Variants in ERBB4 observed in about 807,000 individuals in gnomAD.
ERBB4 encodes the protein erb-b2 receptor tyrosine kinase 4.
A neutral mutation model predicts 158.0 loss-of-function variants in ERBB4; 42 were observed. The observed-to-expected ratio is 0.27, with a 90% CI of 0.21 to 0.34. The LOEUF (loss-of-function observed/expected upper bound fraction) is 0.34, where lower values mean the gene tolerates loss of function less well. Ranked by LOEUF, ERBB4 falls within the 10% of genes least tolerant of loss-of-function variation. The pLI is 1.00. For missense variants in ERBB4, 1,333 were observed against 1,624.1 expected (o/e 0.82, Z 3.08); for synonymous variants, 583 against 558.7 (o/e 1.04, Z -0.61).
intron 2 of ERBB4, among the ~76,000 whole-genome samples, chr2:212,099,294 A>AT (rs1475425401): frequency 1.3e-5 from 2 of 151,988 alleles, no homozygotes; most frequent in African/African-American, 2.4e-5. Flanking sequence ...AAAAATTCTT[A>AT]TTCCTGAAAC....
intron 2 of ERBB4, among the ~76,000 whole-genome samples, chr2:211,976,249 C>G (rs1326280036): frequency 1.3e-5 from 2 of 152,070 alleles, no homozygotes; most frequent in African/African-American, 4.8e-5. Context: ...TTTCATCACC[C>G]ATTCTCTGGG....
chr2:212,493,824 G>A (rs556261250), intron 1 of ERBB4, among the ~76,000 whole-genome samples: 5 of 151,412 alleles, frequency 3.3e-5, no homozygotes, highest in African/African-American at 4.8e-5. Flanking sequence ...TTTGTTAATC[G>A]ATTACTCTCT....
intron 5 of ERBB4, among the ~76,000 whole-genome samples, chr2:211,743,594 C>A (rs942537966): frequency 7.2e-5 from 11 of 152,116 alleles, no homozygotes; most frequent in African/African-American, 2.7e-4. Flanking sequence ...CTCTCTCATA[C>A]CTAAAACCTG....
In ERBB4 at chr2:212,003,081, GAGAA is replaced by G. The variant is rs548662335; in HGVS notation, c.235-55469_235-55466del. On this transcript the variant is annotated intron_variant, in intron 2 of 27. Coordinates refer to ENST00000342788, the MANE Select transcript of ERBB4 (RefSeq NM_005235.3). ...AAGAGAAAAGAGAGAGAGAGAGAGAGAGAAAGAGAGACAGAGACAGAAAGAAAGA... is the reference window on the plus strand; with the variant it reads ...AAGAGAAAAGAGAGAGAGAGAGAGAGAGAGAGACAGAGACAGAAAGAAAGA... 2.8e-3 allele frequency among the ~76,000 whole-genome samples: 381 copies of G among 137,960 alleles called. 10 individuals carry two copies. Among genetic ancestry groups the G allele is most frequent in the African/African-American group, 9.1e-3 (350 of 38,300 alleles). The allele number at this position is 137,960 out of a possible 152,430, so 90.5% of individuals were successfully genotyped here.
intron 2 of ERBB4, among the ~76,000 whole-genome samples, chr2:212,028,099 A>G (rs899588880): frequency 2.6e-5 from 4 of 152,074 alleles, no homozygotes; most frequent in Non-Finnish European, 5.9e-5. Context: ...GTGAATGCCA[A>G]CACTTCCTTC....
chr2:211,431,110 A>G lies in ERBB4; in HGVS notation c.2488-10T>C, dbSNP rs573759866. The G allele has an allele frequency of 1.5e-4, 234 of 1,612,690 alleles. 1 individual carries two copies. In the South Asian group the frequency reaches 1.9e-3, roughly 13 times the overall value. ...CCAGGTACATCATTCCCTGAAAAAT[A>G]TCAAGTTCCTTAATGATATTCAGTT... On this transcript the variant is annotated splice_polypyrimidine_tract_variant and intron_variant, in intron 20 of 27. Coordinates refer to ENST00000342788, the MANE Select transcript of ERBB4 (RefSeq NM_005235.3).
At chr2:211,406,448 T>G (rs2063149263) in intron 25 of ERBB4, among the ~76,000 whole-genome samples, 1 of 152,198 alleles carries the variant, frequency 6.6e-6, no homozygotes, top group Non-Finnish European at 1.5e-5. Flanking sequence ...TAAGATGATT[T>G]AGCCCCTTAA....
intron 5 of ERBB4, among the ~76,000 whole-genome samples, chr2:211,747,814 TATATATA>T (rs1430884119): frequency 6.6e-6 from 1 of 151,812 alleles, no homozygotes; most frequent in Non-Finnish European, 1.5e-5. Context: ...ACCATCTATG[TATATATA>T]ATATATAATA....
intron 1 of ERBB4, among the ~76,000 whole-genome samples, chr2:212,349,037 A>G (rs1000432215): frequency 6.6e-6 from 1 of 152,132 alleles, no homozygotes; most frequent in Non-Finnish European, 1.5e-5. Context: ...TATGATTGTC[A>G]ATATTTTATT....
chr2:211,716,390 A>C (rs2073904252), intron 7 of ERBB4, among the ~76,000 whole-genome samples: 1 of 111,214 alleles, frequency 9.0e-6, no homozygotes, highest in Non-Finnish European at 1.9e-5. Flanking sequence ...AAAAAAAAAA[A>C]AAAAGGCCGG....
intron 2 of ERBB4, among the ~76,000 whole-genome samples, chr2:212,064,991 GTGTGT>G (rs2077896055): frequency 2.1e-4 from 3 of 14,008 alleles, no homozygotes; most frequent in Admixed American, 1.8e-3. Context: ...TCTTTATGGT[GTGTGT>G]GTGTGTGTGT....
chr2:212,222,347 T>G (rs2083316828), intron 1 of ERBB4, among the ~76,000 whole-genome samples: 1 of 151,496 alleles, frequency 6.6e-6, no homozygotes, highest in Non-Finnish European at 1.5e-5. Context: ...CATTCACATT[T>G]AAAAAATTAC....
At chr2:212,443,748 C>T (rs1196137406) in intron 1 of ERBB4, among the ~76,000 whole-genome samples, 1 of 152,134 alleles carries the variant, frequency 6.6e-6, no homozygotes, top group Non-Finnish European at 1.5e-5. Context: ...CTGTATGAAG[C>T]CTTTGGCAGG....
At chr2:211,414,236 C>T (rs376780483) in intron 25 of ERBB4, among the ~76,000 whole-genome samples, 3 of 152,124 alleles carry the variant, frequency 2.0e-5, no homozygotes, top group East Asian at 1.9e-4. Flanking sequence ...TGGTGGCTCA[C>T]GCCTATATCT....
At chr2:212,277,095 T>C (rs1262634403) in intron 1 of ERBB4, among the ~76,000 whole-genome samples, 1 of 151,718 alleles carries the variant, frequency 6.6e-6, no homozygotes, top group Non-Finnish European at 1.5e-5. Context: ...GGCAGAGTTA[T>C]TTATCATGTG....
chr2:211,986,805 T>C (rs1007570163), intron 2 of ERBB4, among the ~76,000 whole-genome samples: 2 of 152,122 alleles, frequency 1.3e-5, no homozygotes, highest in African/African-American at 4.8e-5. Context: ...TTGCTGAAAA[T>C]TTTTACTAAT....
intron 9 of ERBB4, among the ~76,000 whole-genome samples, chr2:211,711,809 A>C (rs2073710962): frequency 6.6e-6 from 1 of 152,140 alleles, no homozygotes; most frequent in Non-Finnish European, 1.5e-5. Context: ...CCTAAAATAT[A>C]ATTTAGTTTA....
intron 3 of ERBB4, among the ~76,000 whole-genome samples, chr2:211,889,262 C>A (rs1457869488): frequency 6.9e-6 from 1 of 144,572 alleles, no homozygotes; most frequent in African/African-American, 2.7e-5. Flanking sequence ...AGCAGCCTAA[C>A]TGGGAGGCAC....
At chr2:211,660,194 G>T (rs2071367281) in intron 15 of ERBB4, among the ~76,000 whole-genome samples, 1 of 152,152 alleles carries the variant, frequency 6.6e-6, no homozygotes, top group Non-Finnish European at 1.5e-5. Context: ...TCACTGTAGG[G>T]CTTTAAAGAA....
Sources: gnomAD v4.1 joint callset for allele counts (sites outside exome capture counted in the v4.1 genomes callset) on GRCh38, gnomAD v4.1.1 for gene constraint, MANE v1.5 for transcripts, NCBI Gene and HGNC (gene_info 2026-07-23, HGNC 2026-07-21) for gene names.